Variants in CWC27 observed in about 807,000 individuals in gnomAD.
CWC27 encodes CWC27 spliceosome associated cyclophilin, also known as spliceosome-associated protein CWC27 homolog.
CWC27 carries 47 observed loss-of-function variants against 63.6 expected under a neutral mutation model. That is an observed-to-expected ratio of 0.74 (90% CI 0.58 to 0.94). The LOEUF is 0.94. Ranked by LOEUF, CWC27 falls within the 40% of genes least tolerant of loss-of-function variation. CWC27 has a pLI of 0.00. For missense variants in CWC27, 495 were observed against 554.3 expected, an observed-to-expected ratio of 0.89 and a Z score of 1.07; for synonymous variants, 175 against 179.8, an observed-to-expected ratio of 0.97 and a Z score of 0.22.
At chr5:64,937,921 CT>C (rs1211082437) in intron 11 of CWC27, among the ~76,000 whole-genome samples, 3,160 of 99,296 alleles carry the variant, frequency 0.032, 74 homozygotes, top group African/African-American at 0.13. Context: ...GCAATCTCTG[CT>C]TTTTTTTTTT....
At chr5:64,988,625 C>T (rs1437444965) in intron 13 of CWC27, among the ~76,000 whole-genome samples, 66 of 139,484 alleles carry the variant, frequency 4.7e-4, no homozygotes, top group African/African-American at 1.4e-3. Context: ...TTTTTTGAGA[C>T]GGGGTTTTAC....
intron 10 of CWC27, among the ~76,000 whole-genome samples, chr5:64,822,477 A>C (rs1365426808): frequency 6.6e-6 from 1 of 152,214 alleles, no homozygotes; most frequent in Non-Finnish European, 1.5e-5. Context: ...GAAGGGGTAG[A>C]GTTTGAATAA....
rs758541945 is a variant in CWC27, at chr5:64,787,064, C to A, written c.599+437C>A. Among the ~76,000 whole-genome samples the A allele has an allele frequency of 4.5e-4, 69 of 152,126 alleles. 1 individual carries two copies. The highest frequency in any genetic ancestry group is 3.1e-4 in the Non-Finnish European group (21 of 68,018). On this transcript the variant is annotated intron_variant, in intron 6 of 13. Coordinates refer to ENST00000381070, the MANE Select transcript of CWC27 (RefSeq NM_005869.4). ...TCAAACACTTATAAAACCATCAGATCTTATGAGAACTCACTCAGTATCATG... is the reference window on the plus strand; with the variant it reads ...TCAAACACTTATAAAACCATCAGATATTATGAGAACTCACTCAGTATCATG...
intron 11 of CWC27, among the ~76,000 whole-genome samples, chr5:64,886,214 CATTGATGATCTTTAATTTA>C (rs1429615095): frequency 6.6e-6 from 1 of 151,874 alleles, no homozygotes; most frequent in Non-Finnish European, 1.5e-5. Flanking sequence ...AAAGCTTTTT[CATTGATGATCTTTAATTTA>C]GTTTAAAATT....
At position 64,782,082 on chromosome 5, in the gene CWC27, T is replaced by G. The variant is rs1182899871; in HGVS notation, c.252+49T>G. 4.9e-6 allele frequency: 5 copies of G among 1,026,856 alleles called. No individual in the cohort carries two copies. The Middle Eastern group carries it at 9.0e-4, about 185-fold the overall frequency. 63.6% of individuals were successfully genotyped at this position (1,026,856 alleles called of 1,614,324 possible). On this transcript the variant is annotated intron_variant, in intron 3 of 13. Transcript: ENST00000381070. ...TTATTATTTTTGTTGTTATTATTATTTCCAAGTCAGTTTGGATTGCTTAAT... is the reference window on the plus strand; with the variant it reads ...TTATTATTTTTGTTGTTATTATTATGTCCAAGTCAGTTTGGATTGCTTAAT...
rs570112743 is a variant in CWC27 at position 64,827,967 on chromosome 5, T to C, written c.938+23581T>C. ...CATGCTTTATATGCTAGCTGCCTGG[T>C]AGTCACTTAGTAGTAGCCATCTTGG... On this transcript the variant is annotated intron_variant, in intron 10 of 13. Coordinates refer to ENST00000381070, the MANE Select transcript of CWC27 (RefSeq NM_005869.4). Among the ~76,000 whole-genome samples, 64 of 152,288 alleles carry C rather than the reference T, an allele frequency of 4.2e-4. No homozygotes were observed. The South Asian group carries it at 0.013, about 31-fold the overall frequency.
intron 11 of CWC27, among the ~76,000 whole-genome samples, chr5:64,934,709 A>G (rs545776253): frequency 6.6e-6 from 1 of 152,148 alleles, no homozygotes; most frequent in African/African-American, 2.4e-5. Context: ...ACTAATCTAC[A>G]CTCCCACCAA....
At chr5:64,788,336 T>C (rs1038660368) in intron 6 of CWC27, among the ~76,000 whole-genome samples, 2 of 152,006 alleles carry the variant, frequency 1.3e-5, no homozygotes, top group Admixed American at 6.6e-5. Context: ...AAAAATCTGT[T>C]TCACTGCCAC....
intron 10 of CWC27, among the ~76,000 whole-genome samples, chr5:64,830,928 A>G (rs568994697): frequency 6.6e-6 from 1 of 152,196 alleles, no homozygotes; most frequent in Admixed American, 6.6e-5. Flanking sequence ...AAGTCTTGCT[A>G]TACATTTATT....
intron 10 of CWC27, among the ~76,000 whole-genome samples, chr5:64,857,662 A>T (rs962072644): frequency 1.3e-5 from 2 of 152,226 alleles, no homozygotes; most frequent in African/African-American, 4.8e-5. Context: ...ATCAGAAGTC[A>T]GGGACAGATC....
At chr5:64,840,678 TG>T (rs1745810386) in intron 10 of CWC27, among the ~76,000 whole-genome samples, 1 of 151,940 alleles carries the variant, frequency 6.6e-6, no homozygotes, top group Non-Finnish European at 1.5e-5. Flanking sequence ...TGTATTTTGT[TG>T]GGGAGCTACT....
At chr5:64,935,980 C>A (rs1748343218) in intron 11 of CWC27, among the ~76,000 whole-genome samples, 1 of 152,176 alleles carries the variant, frequency 6.6e-6, no homozygotes, top group Non-Finnish European at 1.5e-5. Context: ...AGTTGCTTAT[C>A]AGCTTAAGGA....
At chr5:64,836,484 A>G (rs950340945) in intron 10 of CWC27, among the ~76,000 whole-genome samples, 2 of 152,020 alleles carry the variant, frequency 1.3e-5, no homozygotes, top group African/African-American at 4.8e-5. Flanking sequence ...TTGGAACTGC[A>G]TGGAGATTTC....
At chr5:64,784,108 A>T in intron 4 of CWC27, 129 bp downstream of exon 4, 1 of 813,012 alleles carries the variant, frequency 1.2e-6, no homozygotes, top group Non-Finnish European at 1.8e-6. Context: ...GGATATGTTT[A>T]TTATTTTCAA....
chr5:64,946,776 A>T (rs1025519395), intron 11 of CWC27, among the ~76,000 whole-genome samples: 1 of 151,426 alleles, frequency 6.6e-6, no homozygotes, highest in African/African-American at 2.4e-5. Context: ...TGTGCTTTTT[A>T]TATTGGCATC....
Position 64,878,470 on chromosome 5 carries a change from T to TAAAAAAAAAAAAAAAAAAAAAAA in CWC27, c.939-6965_939-6943dup, listed in dbSNP as rs397998002. On this transcript the variant is annotated intron_variant, in intron 10 of 13. Coordinates refer to ENST00000381070, the MANE Select transcript of CWC27 (RefSeq NM_005869.4). ...GTCAGCACTGTCCTGGGTTACAGAT[T>TAAAAAAAAAAAAAAAAAAAAAAA]AAAAAAAAAAAAAAAAAAAAAAAAA... 2.6e-4 allele frequency among the ~76,000 whole-genome samples: 7 copies of TAAAAAAAAAAAAAAAAAAAAAAA among 26,936 alleles called. 2 individuals are homozygous for TAAAAAAAAAAAAAAAAAAAAAAA. Among genetic ancestry groups the TAAAAAAAAAAAAAAAAAAAAAAA allele is most frequent in the South Asian group, 2.8e-3 (1 of 362 alleles). The allele number at this position is 26,936 out of a possible 152,430, so 17.7% of individuals were successfully genotyped here. A position where few individuals can be genotyped will look rare whatever the true frequency, so the allele number is the denominator to read the frequency against.
intron 11 of CWC27, among the ~76,000 whole-genome samples, chr5:64,931,434 A>G (rs1465502374): frequency 1.3e-5 from 2 of 151,888 alleles, no homozygotes; most frequent in Non-Finnish European, 1.5e-5. Flanking sequence ...TATTAAAATT[A>G]GTTTTTAAAA....
intron 11 of CWC27, among the ~76,000 whole-genome samples, chr5:64,960,891 G>A (rs1213025336): frequency 2.0e-5 from 3 of 150,164 alleles, no homozygotes; most frequent in African/African-American, 7.4e-5. Context: ...GTGACTACAC[G>A]CCTGCACCAC....
intron 10 of CWC27, among the ~76,000 whole-genome samples, chr5:64,873,222 A>G (rs1336003339): frequency 6.6e-6 from 1 of 152,218 alleles, no homozygotes; most frequent in Non-Finnish European, 1.5e-5. Flanking sequence ...AGCCAAAGAA[A>G]GAAAGCTTTT....
Sources: allele counts gnomAD v4.1 joint callset (sites outside exome capture counted in the v4.1 genomes callset), GRCh38; gene constraint gnomAD v4.1.1; transcripts MANE v1.5; gene names NCBI Gene and HGNC (gene_info 2026-07-23, HGNC 2026-07-21).